GLO1: variants seen among roughly 807,000 people sequenced by gnomAD.
GLO1 encodes lactoylglutathione lyase.
In GLO1, 28 loss-of-function variants were observed where a neutral mutation model predicts 26.0. That is an observed-to-expected ratio of 1.08 (90% confidence interval 0.80 to 1.48). The LOEUF (loss-of-function observed/expected upper bound fraction) is 1.48. GLO1 is among the 40% of genes most tolerant of loss of function. The pLI is 0.00. For synonymous variants in GLO1, 78 were observed against 77.6 expected, an observed-to-expected ratio of 1.00 and a Z score of -0.03; for missense variants, 225 against 224.8, an observed-to-expected ratio of 1.00 and a Z score of -0.01.
intron 2 of GLO1, among the ~76,000 whole-genome samples, chr6:38,686,081 T>C (rs1562484547): frequency 6.6e-6 from 1 of 152,232 alleles, no homozygotes; most frequent in East Asian, 1.9e-4. Context: ...GTCATAAATA[T>C]ATTCATAATA....
In GLO1 at chr6:38,684,418, T is replaced by C. The variant is rs758350957; in HGVS notation, c.264A>G (p.Lys88=). The change falls in exon 3 of 6, where the codon AAA becomes AAG. Residue 88 remains lysine, a synonymous_variant. Coordinates refer to ENST00000373365, the MANE Select transcript of GLO1 (RefSeq NM_006708.3). ...CTTTTCTGGAGAGCGCCCAGGCTATTTTTTCATCTTTTTCTTTAGGGATGT... is the reference window on the plus strand; with the variant it reads ...CTTTTCTGGAGAGCGCCCAGGCTATCTTTTCATCTTTTTCTTTAGGGATGT... ...KNDIPKEKDE[K]IAWALSRKAT... The C allele has an allele frequency of 3.8e-6, 6 of 1,574,386 alleles. No individual in the cohort carries two copies. Among genetic ancestry groups the C allele is most frequent in the African/African-American group, 1.4e-5 (1 of 72,824 alleles).
In GLO1 at chr6:38,677,322, A is replaced by T. The variant is rs746730072; in HGVS notation, c.528T>A (p.Asn176Lys). ...DPDGYWIEIL[N>K]PNKMATLM ...ACATTAAGGTTGCCATTTTGTTAGG[A>T]TTCAAAATTTCAATCCAGTAGCCAT... is the stretch of plus-strand genomic sequence containing the variant. The change falls in exon 6 of 6, where the codon AAT (asparagine) becomes AAA (lysine). Residue 176 changes from asparagine to lysine, a missense_variant. By Grantham distance (94) the Asn-to-Lys change is moderately conservative. Transcript: ENST00000373365. 1 of 1,543,758 alleles carries T rather than the reference A, an allele frequency of 6.5e-7. No homozygotes were observed. Among genetic ancestry groups the T allele is most frequent in the Non-Finnish European group, 9.0e-7 (1 of 1,115,834 alleles).
chr6:38,693,773 C>T (rs546551201), intron 1 of GLO1, among the ~76,000 whole-genome samples: 2 of 140,672 alleles, frequency 1.4e-5, no homozygotes, highest in South Asian at 2.3e-4. Context: ...TGCAGTGGAG[C>T]GATCTCGGCT....
chr6:38,683,532 ATTAG>A (rs1392081197), intron 3 of GLO1, among the ~76,000 whole-genome samples: 1 of 152,382 alleles, frequency 6.6e-6, no homozygotes, highest in Admixed American at 6.5e-5. Context: ...GTACCTAAAA[ATTAG>A]TTAGAGACAA....
intron 1 of GLO1, among the ~76,000 whole-genome samples, chr6:38,694,984 T>G (rs570162248): frequency 1.3e-5 from 2 of 152,354 alleles, no homozygotes; most frequent in Admixed American, 6.5e-5. Context: ...TTACCTTGTC[T>G]CTATCATATT....
chr6:38,679,431 C>T (rs929228018), intron 5 of GLO1, among the ~76,000 whole-genome samples: 2 of 152,184 alleles, frequency 1.3e-5, no homozygotes, highest in Non-Finnish European at 2.9e-5. Flanking sequence ...TCCTCTGCCT[C>T]GGCCTCCCAA....
chr6:38,687,129 C>T (rs1761471340), intron 1 of GLO1, 155 bp from the exon 2 acceptor site: 1 of 984,076 alleles, frequency 1.0e-6, no homozygotes, highest in South Asian at 4.7e-5. Context: ...GGTTGCAGGC[C>T]CCTGTGTGAT....
chr6:38,685,419 GAGT>G (rs2127546719), intron 2 of GLO1, among the ~76,000 whole-genome samples: 1 of 152,288 alleles, frequency 6.6e-6, no homozygotes, highest in Non-Finnish European at 1.5e-5. Context: ...ATTTGGCAAG[GAGT>G]AAGGTGGCAT....
intron 5 of GLO1, among the ~76,000 whole-genome samples, chr6:38,680,899 G>A (rs1761362862): frequency 6.6e-6 from 1 of 152,028 alleles, no homozygotes; most frequent in South Asian, 2.1e-4. Context: ...TGTCTCAAAG[G>A]AGACACTACA....
intron 1 of GLO1, 92 bp downstream of exon 1, chr6:38,702,879 C>T: frequency 2.8e-6 from 2 of 722,956 alleles, no homozygotes; most frequent in Non-Finnish European, 4.8e-6. Context: ...GCCGGCGGAC[C>T]TGCAGCGGCG....
At chr6:38,678,012 T>G (rs999312061) in intron 5 of GLO1, among the ~76,000 whole-genome samples, 1 of 151,872 alleles carries the variant, frequency 6.6e-6, no homozygotes, top group African/African-American at 2.4e-5. Context: ...AATAGGGAGG[T>G]GCTGAAGGGA....
intron 2 of GLO1, among the ~76,000 whole-genome samples, chr6:38,684,860 C>CAT (rs1365399868): frequency 6.6e-6 from 1 of 152,100 alleles, no homozygotes; most frequent in African/African-American, 2.4e-5. Flanking sequence ...GTTGCTATTT[C>CAT]ATATATATAC....
chr6:38,682,758 T>C (rs1003539223), intron 4 of GLO1, 50 bp downstream of exon 4: 3 of 967,640 alleles, frequency 3.1e-6, no homozygotes, highest in Admixed American at 3.4e-5. Flanking sequence ...ATATACATAA[T>C]ACAAAATCAC....
At chr6:38,682,683 A>G (rs1761398809) in intron 4 of GLO1, 125 bp downstream of exon 4, 3 of 485,316 alleles carry the variant, frequency 6.2e-6, no homozygotes, top group Non-Finnish European at 1.1e-5. Context: ...AAATAATCAT[A>G]TCTCTAATAA....
rs932149895 is a variant in GLO1 at position 38,702,886 on chromosome 6, G to A, written c.84+85C>T. 4.4e-5 allele frequency: 33 copies of A among 750,322 alleles called. No individual in the cohort carries two copies. The South Asian group carries it at 4.6e-4, about 11-fold the overall frequency. 46.5% of individuals were successfully genotyped at this position (750,322 alleles called of 1,614,324 possible). On this transcript the variant is annotated intron_variant, in intron 1 of 5. Transcript: ENST00000373365. ...CGCCCGAGGCCGGCGGACCTGCAGC[G>A]GCGGCGGGATGGGGTTGGATAGAAT...
In GLO1 at chr6:38,693,348, C is replaced by G. The variant is rs1195167776; in HGVS notation, c.85-6374G>C. ...TCTGTAGTGTATCCCCTATTTCATT[C>G]CTGATATTGGTAGTTTGTGCTTCTT... is the stretch of plus-strand genomic sequence containing the variant. On this transcript the variant is annotated intron_variant, in intron 1 of 5. Coordinates refer to ENST00000373365, the MANE Select transcript of GLO1 (RefSeq NM_006708.3). Among the ~76,000 whole-genome samples the G allele has an allele frequency of 3.3e-5, 5 of 152,056 alleles. No individual in the cohort carries two copies. The East Asian group carries it at 7.7e-4, about 23-fold the overall frequency.
intron 1 of GLO1, among the ~76,000 whole-genome samples, chr6:38,694,893 A>G (rs186090307): frequency 2.6e-5 from 4 of 152,244 alleles, no homozygotes; most frequent in Admixed American, 1.3e-4. Flanking sequence ...CCCAAAGTCT[A>G]CTTTATCTGA....
At chr6:38,685,758 A>C (rs536659344) in intron 2 of GLO1, among the ~76,000 whole-genome samples, 197 of 152,352 alleles carry the variant, frequency 1.3e-3, no homozygotes, top group African/African-American at 4.5e-3. Flanking sequence ...GAAGGAAATG[A>C]AACTGTTGCA....
At chr6:38,689,710 G>T (rs928571642) in intron 1 of GLO1, among the ~76,000 whole-genome samples, 1 of 152,150 alleles carries the variant, frequency 6.6e-6, no homozygotes, top group Non-Finnish European at 1.5e-5. Flanking sequence ...ACTTTGGGGG[G>T]CTGAGACGGG....
Sources: allele counts gnomAD v4.1 joint callset (sites outside exome capture counted in the v4.1 genomes callset), GRCh38; gene constraint gnomAD v4.1.1; transcripts MANE v1.5; gene names NCBI Gene and HGNC (gene_info 2026-07-23, HGNC 2026-07-21).